SMG9: variants seen among roughly 807,000 people sequenced by gnomAD.
The protein encoded by SMG9 is nonsense-mediated mRNA decay factor SMG9.
A neutral mutation model predicts 64.0 loss-of-function variants in SMG9; 55 were observed. That is an observed-to-expected ratio of 0.86 (90% CI 0.69 to 1.08). SMG9 has a LOEUF of 1.08. Ranked by LOEUF, SMG9 falls within the 50% of genes least tolerant of loss-of-function variation. The pLI is 0.00. For missense variants in SMG9, 554 were observed against 681.3 expected (o/e 0.81, Z 2.08); for synonymous variants, 244 against 254.8 (o/e 0.96, Z 0.41).
chr19:43,748,043 C>T lies in SMG9; in HGVS notation c.160G>A (p.Glu54Lys). ...PWERERRDAS[E>K]ETSTSVMQKT... is the part of the protein sequence containing the mutation. ...TGCATGACGGAAGTGCTTGTCTCTT[C>T]GCTGGCATCCTGTGGTGAGGGAGGG... Residue 54 changes from glutamate (E) to lysine (K), a missense_variant, in exon 3 of 14, where the codon GAA becomes AAA. Transcript: ENST00000270066. The T allele has an allele frequency of 1.2e-6, 2 of 1,609,466 alleles. No individual in the cohort carries two copies. The highest frequency in any genetic ancestry group is 8.5e-7 in the Non-Finnish European group (1 of 1,177,704).
intron 5 of SMG9, among the ~76,000 whole-genome samples, chr19:43,746,459 GT>G (rs1969008940): frequency 6.6e-6 from 1 of 152,112 alleles, no homozygotes; most frequent in Non-Finnish European, 1.5e-5. Context: ...GAAGGGTAGG[GT>G]TTGGTTTTTT....
intron 9 of SMG9, among the ~76,000 whole-genome samples, chr19:43,736,858 C>A (rs896115713): frequency 9.9e-5 from 15 of 152,184 alleles, no homozygotes; most frequent in African/African-American, 3.6e-4. Flanking sequence ...CTGAAGTTGA[C>A]TCGAATGGCA....
In SMG9 at chr19:43,750,554, T is replaced by C. The variant is rs577468897; in HGVS notation, c.150+38A>G. ...CACATGGCAGGTGCGTGGAACCAAA[T>C]AGATACATGAATGCTGCTCCTGGGT... On this transcript the variant is annotated intron_variant, in intron 2 of 13. Coordinates refer to ENST00000270066, the MANE Select transcript of SMG9 (RefSeq NM_019108.4). 3.9e-5 allele frequency: 61 copies of C among 1,580,076 alleles called. No homozygotes were observed. In the East Asian group the frequency reaches 4.5e-4, roughly 12 times the overall value.
chr19:43,754,624 T>G (rs1486761698), intron 1 of SMG9, 30 bp downstream of exon 1: 2 of 151,872 alleles, frequency 1.3e-5, no homozygotes, highest in African/African-American at 2.4e-5. Context: ...GCCGGTGCGC[T>G]AGCCTCGCGC....
Position 43,748,025 on chromosome 19 carries a change from C to A in SMG9, c.178G>T (p.Val60Phe). 6.2e-7 allele frequency: 1 copy of A among 1,612,642 alleles called. No homozygotes were observed. The highest frequency in any genetic ancestry group is 8.5e-7 in the Non-Finnish European group (1 of 1,179,332). ...RDASEETSTSVMQKTPIILSK... is the reference protein window; with the variant it reads ...RDASEETSTSFMQKTPIILSK... ...AGGATGATGGGGGTTTTCTGCATGA[C>A]GGAAGTGCTTGTCTCTTCGCTGGCA... Residue 60 changes from valine (V) to phenylalanine (F), a missense_variant, in exon 3 of 14, where the codon GTC becomes TTC. Coordinates refer to ENST00000270066, the MANE Select transcript of SMG9 (RefSeq NM_019108.4).
At chr19:43,752,902 T>TAAAAAAAAAAAAA (rs775445159) in intron 1 of SMG9, among the ~76,000 whole-genome samples, 29 of 96,278 alleles carry the variant, frequency 3.0e-4, no homozygotes, top group African/African-American at 9.0e-4. Context: ...AGACCCTGTC[T>TAAAAAAAAAAAAA]AAAAAAAAAA....
Position 43,747,493 on chromosome 19 carries a change from G to A in SMG9, c.537C>T (p.His179=), listed in dbSNP as rs1161920088. ...AKLLPPERMK[H]SIKLVDDQMN... ...TCTGGTCATCCACCAACTTGATGCTGTGCTTCATGCGCTCTGGGGGCAGTA... is the reference window on the plus strand; with the variant it reads ...TCTGGTCATCCACCAACTTGATGCTATGCTTCATGCGCTCTGGGGGCAGTA... The change falls in exon 5 of 14, where the codon CAC becomes CAT. Residue 179 remains histidine (H), a synonymous_variant. Transcript: ENST00000270066. 4.3e-6 allele frequency: 7 copies of A among 1,614,046 alleles called. No individual in the cohort carries two copies. The highest frequency in any genetic ancestry group is 5.9e-6 in the Non-Finnish European group (7 of 1,180,044).
At chr19:43,744,270 G>A (rs908659991) in intron 6 of SMG9, among the ~76,000 whole-genome samples, 1 of 152,174 alleles carries the variant, frequency 6.6e-6, no homozygotes, top group Non-Finnish European at 1.5e-5. Flanking sequence ...ACCACTCTCT[G>A]TCTCCAGATC....
intron 1 of SMG9, chr19:43,754,350 G>A (rs1250307746): frequency 2.0e-5 from 3 of 152,206 alleles, no homozygotes; most frequent in Non-Finnish European, 4.4e-5. Flanking sequence ...CTTCCCTCGG[G>A]GAACCCAACT....
At position 43,740,807 on chromosome 19, in the gene SMG9, C is replaced by T. The variant is rs565269831; in HGVS notation, c.702-589G>A. ...GCATCTTCCCCTGTCAGGTGAGTCT[C>T]CCTCACTTCTACGTGTGCTGGGTGC... is the stretch of plus-strand genomic sequence containing the variant. On this transcript the variant is annotated intron_variant, in intron 6 of 13. Transcript: ENST00000270066. 7.2e-5 allele frequency among the ~76,000 whole-genome samples: 11 copies of T among 152,210 alleles called. No homozygotes were observed. The South Asian group carries it at 1.9e-3, about 26-fold the overall frequency.
chr19:43,731,532 T>C lies in SMG9; in HGVS notation c.*64A>G. Reference sequence around the variant, plus strand: ...TCCACCCCAGCGGGGGATGGACATCTGTGCTCCCTCGCAGTACACTGCGGA... The same window carrying C: ...TCCACCCCAGCGGGGGATGGACATCCGTGCTCCCTCGCAGTACACTGCGGA... On this transcript the variant is annotated 3_prime_UTR_variant, in exon 14 of 14. Coordinates refer to ENST00000270066, the MANE Select transcript of SMG9 (RefSeq NM_019108.4). 6.2e-7 allele frequency: 1 copy of C among 1,606,106 alleles called. No homozygotes were observed. The highest frequency in any genetic ancestry group is 8.5e-7 in the Non-Finnish European group (1 of 1,174,956).
intron 6 of SMG9, 62 bp downstream of exon 6, chr19:43,744,710 C>A: frequency 7.7e-7 from 1 of 1,297,358 alleles, no homozygotes; most frequent in Non-Finnish European, 1.1e-6. Context: ...CCCAAGCCCA[C>A]CTTGCCCCTG....
chr19:43,741,812 C>A (rs948793989), intron 6 of SMG9, among the ~76,000 whole-genome samples: 14 of 152,114 alleles, frequency 9.2e-5, no homozygotes, highest in Non-Finnish European at 2.9e-5. Flanking sequence ...AAAACTATAA[C>A]CTAGTCTGGG....
Position 43,750,177 on chromosome 19 carries a change from A to G in SMG9, c.150+415T>C, listed in dbSNP as rs1020469980. ...TTCTTTCCAAGGCCTACCAGGTCCT[A>G]CATGATTTGGCCCCAGTTACTTGAC... is the stretch of plus-strand genomic sequence containing the variant. On this transcript the variant is annotated intron_variant, in intron 2 of 13. Coordinates refer to ENST00000270066, the MANE Select transcript of SMG9 (RefSeq NM_019108.4). 7.6e-6 allele frequency: 4 copies of G among 523,990 alleles called. No homozygotes were observed. In the African/African-American group the frequency reaches 7.7e-5, roughly 10 times the overall value. 32.5% of individuals were successfully genotyped at this position (523,990 alleles called of 1,614,324 possible).
At chr19:43,734,635 C>G (rs1240572868) in intron 9 of SMG9, 140 bp from the exon 10 acceptor site, 1 of 555,626 alleles carries the variant, frequency 1.8e-6, no homozygotes, top group Admixed American at 3.1e-5. Context: ...ATGTTTCTCA[C>G]AATTTCAGAG....
intron 7 of SMG9, among the ~76,000 whole-genome samples, chr19:43,739,248 A>G (rs1968771982): frequency 6.6e-6 from 1 of 152,186 alleles, no homozygotes; most frequent in East Asian, 1.9e-4. Context: ...TTGTACTGAT[A>G]ATGGTATTAA....
chr19:43,731,811 C>T (rs1568593439), intron 13 of SMG9, 137 bp from the exon 14 acceptor site: 2 of 1,033,024 alleles, frequency 1.9e-6, no homozygotes, highest in Non-Finnish European at 2.8e-6. Context: ...CCAATCTCCT[C>T]GACTGGGATA....
chr19:43,734,286 C>A, intron 10 of SMG9, 103 bp downstream of exon 10: 1 of 925,168 alleles, frequency 1.1e-6, no homozygotes, highest in Non-Finnish European at 1.7e-6. Context: ...CCACCCAGAA[C>A]CCCACTCCTT....
intron 9 of SMG9, among the ~76,000 whole-genome samples, chr19:43,736,624 T>A (rs1968676180): frequency 6.6e-6 from 1 of 152,202 alleles, no homozygotes; most frequent in South Asian, 2.1e-4. Flanking sequence ...ACAAGCCAGC[T>A]CCTCATGCTC....
Sources: gnomAD v4.1 joint callset for allele counts (sites outside exome capture counted in the v4.1 genomes callset) on GRCh38, gnomAD v4.1.1 for gene constraint, MANE v1.5 for transcripts, NCBI Gene and HGNC (gene_info 2026-07-23, HGNC 2026-07-21) for gene names.